PCDHGB1: variants seen among roughly 807,000 people sequenced by gnomAD.
PCDHGB1 encodes protocadherin gamma subfamily B, 1.
Under a neutral mutation model 56.6 loss-of-function variants are expected in PCDHGB1, and 34 were observed. The ratio of observed to expected loss-of-function variants is 0.60; its 90% CI spans 0.46 to 0.80. PCDHGB1 has a LOEUF of 0.80. PCDHGB1 is among the 30% of genes least tolerant of loss of function. The pLI is 0.00. For missense variants in PCDHGB1, 1,278 were observed against 1,204.6 expected (o/e 1.06, Z -0.90); for synonymous variants, 561 against 505.9 (o/e 1.11, Z -1.46).
intron 1 of PCDHGB1, among the ~76,000 whole-genome samples, chr5:141,471,035 G>A (rs2099247157): frequency 7.1e-6 from 1 of 141,386 alleles, no homozygotes; most frequent in Admixed American, 7.1e-5. Flanking sequence ...TTATTAACAA[G>A]CCCAAGCCCT....
Position 141,399,638 on chromosome 5 carries a change from G to A in PCDHGB1, c.2409+46969G>A, listed in dbSNP as rs1180030777. The A allele has an allele frequency of 3.7e-6, 6 of 1,613,860 alleles. No individual in the cohort carries two copies. The highest frequency in any genetic ancestry group is 1.3e-5 in the African/African-American group (1 of 75,082). ...GCACTGGCCTCTTACGTGTCCATGAGCGCGCAAAGTGGGGTGGTGTTCGCG... is the reference window on the plus strand; with the variant it reads ...GCACTGGCCTCTTACGTGTCCATGAACGCGCAAAGTGGGGTGGTGTTCGCG... On this transcript the variant is annotated intron_variant, in intron 1 of 3. Coordinates refer to ENST00000523390, the MANE Select transcript of PCDHGB1 (RefSeq NM_018922.3).
At chr5:141,499,548 A>G (rs1312910986) in intron 2 of PCDHGB1, among the ~76,000 whole-genome samples, 3 of 152,226 alleles carry the variant, frequency 2.0e-5, no homozygotes, top group African/African-American at 7.2e-5. Flanking sequence ...ATGAACCTGT[A>G]TGATACCACT....
intron 1 of PCDHGB1, among the ~76,000 whole-genome samples, chr5:141,447,165 G>T (rs1192617600): frequency 6.6e-6 from 1 of 151,842 alleles, no homozygotes; most frequent in African/African-American, 2.4e-5. Flanking sequence ...TTTAAGCGGG[G>T]TCTTGCTCTT....
chr5:141,395,221 A>G, intron 1 of PCDHGB1: 1 of 1,611,672 alleles, frequency 6.2e-7, no homozygotes, highest in Non-Finnish European at 8.5e-7. Context: ...TATAAGAATG[A>G]AGCTGATCAT....
At chr5:141,373,805 GAT>G in intron 1 of PCDHGB1, 2 of 337,732 alleles carry the variant, frequency 5.9e-6, no homozygotes, top group African/African-American at 2.1e-5. Context: ...TCCTCTGTGT[GAT>G]AGTTTCACAA....
rs2099750571 is a variant in PCDHGB1, at chr5:141,493,878, T to A, written c.2410-929T>A. On this transcript the variant is annotated intron_variant, in intron 1 of 3. Coordinates refer to ENST00000523390, the MANE Select transcript of PCDHGB1 (RefSeq NM_018922.3). This position sits in a 1 kb window ranked among gnomAD's most constrained non-coding sequence, Gnocchi z 4.3. ...GCCCACCCCAGAACCAGTGAGGAGG[T>A]GGCTCTAGGAGTGCTCCATGAGAGT... is the stretch of plus-strand genomic sequence containing the variant. 6.6e-6 allele frequency among the ~76,000 whole-genome samples: 1 copy of A among 152,072 alleles called. No homozygotes were observed. The highest frequency in any genetic ancestry group is 6.6e-5 in the Admixed American group (1 of 15,264).
intron 1 of PCDHGB1, chr5:141,421,983 T>G: frequency 6.2e-7 from 1 of 1,609,228 alleles, no homozygotes; most frequent in Non-Finnish European, 8.5e-7. Context: ...GCGTGAGTGT[T>G]CCAGAAAACA....
chr5:141,357,313 C>T, intron 1 of PCDHGB1: 3 of 1,614,110 alleles, frequency 1.9e-6, no homozygotes, highest in Non-Finnish European at 2.5e-6. Flanking sequence ...CTGCGTCTTC[C>T]TGGCTTTTGT....
intron 1 of PCDHGB1, among the ~76,000 whole-genome samples, chr5:141,470,212 C>A (rs756256854): frequency 2.0e-5 from 3 of 152,116 alleles, no homozygotes; most frequent in Non-Finnish European, 4.4e-5. Context: ...AAGGCTAAAC[C>A]ATTCAGCTTC....
intron 1 of PCDHGB1, among the ~76,000 whole-genome samples, chr5:141,444,006 G>T (rs1279816416): frequency 2.0e-5 from 3 of 152,012 alleles, no homozygotes; most frequent in Non-Finnish European, 4.4e-5. Flanking sequence ...TGCTACCTGG[G>T]TATTGGCTTC....
chr5:141,419,524 T>C (rs1400473876), intron 1 of PCDHGB1: 4 of 1,612,164 alleles, frequency 2.5e-6, no homozygotes, highest in Non-Finnish European at 3.4e-6. Flanking sequence ...TGGGCGACCG[T>C]AACGACAACG....
chr5:141,388,906 A>ACG (rs890479246), intron 1 of PCDHGB1: 2 of 1,614,016 alleles, frequency 1.2e-6, no homozygotes, highest in Admixed American at 3.3e-5. Flanking sequence ...GAAAATGACA[A>ACG]CGCCCCAGAA....
chr5:141,410,660 T>C (rs911543817), intron 1 of PCDHGB1: 12 of 1,572,396 alleles, frequency 7.6e-6, no homozygotes, highest in African/African-American at 2.7e-5. Context: ...TCTAATAGTC[T>C]ACTAGTTTCT....
At chr5:141,354,393 G>T (rs1218363401) in intron 1 of PCDHGB1, among the ~76,000 whole-genome samples, 1 of 152,184 alleles carries the variant, frequency 6.6e-6, no homozygotes, top group African/African-American at 2.4e-5. Flanking sequence ...TTGTGGCCAA[G>T]AATCTACTGT....
At chr5:141,420,392 G>A (rs1480059498) in intron 1 of PCDHGB1, 2 of 1,268,940 alleles carry the variant, frequency 1.6e-6, no homozygotes, top group East Asian at 5.5e-5. Context: ...CAAAATATAG[G>A]TCAAATTTAT....
At position 141,361,962 on chromosome 5, in the gene PCDHGB1, G is replaced by A. The variant is rs773228526; in HGVS notation, c.2409+9293G>A. 5.6e-6 allele frequency: 9 copies of A among 1,602,186 alleles called. No individual in the cohort carries two copies. In the South Asian group the frequency reaches 8.8e-5, roughly 16 times the overall value. On this transcript the variant is annotated intron_variant, in intron 1 of 3. Transcript: ENST00000523390. ...ACGCTTGGCTGTCCTACCACGTGCTGCAGGCCAGCGAGCCCGGGCTCTTCA... is the reference window on the plus strand; with the variant it reads ...ACGCTTGGCTGTCCTACCACGTGCTACAGGCCAGCGAGCCCGGGCTCTTCA...
intron 1 of PCDHGB1, chr5:141,365,799 C>A: frequency 1.2e-6 from 2 of 1,613,942 alleles, no homozygotes; most frequent in South Asian, 1.1e-5. Context: ...GTCACCTACT[C>A]CCTGGCTGAA....
At chr5:141,362,063 T>C (rs1762309054) in intron 1 of PCDHGB1, 1 of 1,612,272 alleles carries the variant, frequency 6.2e-7, no homozygotes, top group Non-Finnish European at 8.5e-7. Context: ...CAGCGCCTGC[T>C]GGTCGCTGTG....
chr5:141,376,217 CT>C (rs1370033371), intron 1 of PCDHGB1: 2 of 1,614,210 alleles, frequency 1.2e-6, no homozygotes, highest in East Asian at 4.5e-5. Flanking sequence ...CATCGTGCTG[CT>C]GGCGCTCAGA....
Sources: allele counts gnomAD v4.1 joint callset (sites outside exome capture counted in the v4.1 genomes callset), GRCh38; gene constraint gnomAD v4.1.1; non-coding constraint Gnocchi (gnomAD v3.1); transcripts MANE v1.5; gene names NCBI Gene and HGNC (gene_info 2026-07-23, HGNC 2026-07-21).